The following PIK3R4 variants were observed in gnomAD, a reference collection of about 807,000 sequenced individuals.
The protein encoded by PIK3R4 is phosphoinositide-3-kinase regulatory subunit 4.
Under a neutral mutation model 136.5 loss-of-function variants are expected in PIK3R4, and 46 were observed. The observed-to-expected ratio is 0.34, with a 90% CI of 0.27 to 0.43. PIK3R4 has a LOEUF of 0.43. Ranked by LOEUF, PIK3R4 falls within the 20% of genes least tolerant of loss-of-function variation. PIK3R4 has a pLI of 1.00. For missense variants in PIK3R4, 1,331 were observed against 1,649.5 expected, an observed-to-expected ratio of 0.81 and a Z score of 3.35; for synonymous variants, 557 against 566.7, an observed-to-expected ratio of 0.98 and a Z score of 0.24.
chr3:130,681,660 T>A, intron 16 of PIK3R4, 69 bp from the exon 17 acceptor site: 2 of 911,492 alleles, frequency 2.2e-6, no homozygotes, highest in South Asian at 2.9e-5. Flanking sequence ...ACAAAACAAA[T>A]TGCAGTCCTG....
At chr3:130,685,979 C>A (rs1376729182) in intron 15 of PIK3R4, among the ~76,000 whole-genome samples, 1 of 151,094 alleles carries the variant, frequency 6.6e-6, no homozygotes, top group Non-Finnish European at 1.5e-5. Flanking sequence ...CATTTAAGAA[C>A]AAGGACAATG....
At chr3:130,742,320 T>C (rs780782725) in intron 2 of PIK3R4, among the ~76,000 whole-genome samples, 6 of 152,220 alleles carry the variant, frequency 3.9e-5, no homozygotes, top group Non-Finnish European at 5.9e-5. Flanking sequence ...TTTACAAAAC[T>C]ATAATGCACA....
chr3:130,715,284 C>T (rs959307030), intron 9 of PIK3R4, among the ~76,000 whole-genome samples: 4 of 151,864 alleles, frequency 2.6e-5, no homozygotes, highest in Non-Finnish European at 4.4e-5. Flanking sequence ...ACACTATGTC[C>T]GGCTAATTTT....
At chr3:130,713,414 G>A (rs1402846536) in intron 9 of PIK3R4, among the ~76,000 whole-genome samples, 1 of 152,176 alleles carries the variant, frequency 6.6e-6, no homozygotes, top group Non-Finnish European at 1.5e-5. Context: ...TACGGGTCAG[G>A]GAGTTTTAGT....
intron 2 of PIK3R4, among the ~76,000 whole-genome samples, chr3:130,736,914 AAG>A (rs1383730195): frequency 6.6e-6 from 1 of 152,252 alleles, no homozygotes; most frequent in African/African-American, 2.4e-5. Context: ...GGGAGAGGAA[AAG>A]AGAGATAACT....
chr3:130,739,430 G>C (rs1446201016), intron 2 of PIK3R4, among the ~76,000 whole-genome samples: 1 of 152,008 alleles, frequency 6.6e-6, no homozygotes. Flanking sequence ...GGAGTGCAGT[G>C]GTGTGATCAC....
chr3:130,681,687 A>T (rs1268751807), intron 16 of PIK3R4, 96 bp from the exon 17 acceptor site: 1 of 693,240 alleles, frequency 1.4e-6, no homozygotes, highest in Non-Finnish European at 2.5e-6. Context: ...AGAAAGAAAA[A>T]TTTCTTTCTT....
chr3:130,699,376 A>G (rs979302474), intron 13 of PIK3R4, among the ~76,000 whole-genome samples: 1 of 152,208 alleles, frequency 6.6e-6, no homozygotes, highest in African/African-American at 2.4e-5. Flanking sequence ...AATAGTGACA[A>G]TTCTCTGGAG....
chr3:130,723,062 C>CAAAAAAA (rs61129038), intron 7 of PIK3R4, among the ~76,000 whole-genome samples: 18 of 19,500 alleles, frequency 9.2e-4, no homozygotes, highest in East Asian at 2.1e-3. Context: ...GAGACTGTCG[C>CAAAAAAA]AAAAAAAAAA....
chr3:130,739,448 T>C (rs1202666710), intron 2 of PIK3R4, among the ~76,000 whole-genome samples: 1 of 152,154 alleles, frequency 6.6e-6, no homozygotes, highest in Non-Finnish European at 1.5e-5. Flanking sequence ...CACAGTTCAC[T>C]GTAGCCTGGA....
In PIK3R4 at chr3:130,733,815, T is replaced by C; in HGVS notation, c.1183A>G (p.Lys395Glu). Residue 395 changes from lysine to glutamate, a missense_variant, in exon 4 of 20, where the codon AAA becomes GAA. Lys to Glu is a moderately conservative substitution (Grantham distance 56). This residue lies in a region of PIK3R4 where 1,180 missense variants were observed against 1,407.0 expected (regional missense o/e 0.84). Transcript: ENST00000356763. ...AGAATCAGTTCCAAAGCAGCTAGTT[T>C]GGAATCACAGTATTTAAGGGTCTGT... Reference protein sequence around the residue: ...CLQTLKYCDSKLAALELILHL... With the variant: ...CLQTLKYCDSELAALELILHL... 6.2e-7 allele frequency: 1 copy of C among 1,614,180 alleles called. No homozygotes were observed. Among genetic ancestry groups the C allele is most frequent in the Non-Finnish European group, 8.5e-7 (1 of 1,180,022 alleles).
In PIK3R4 at chr3:130,703,581, A is replaced by G. The variant is rs902011128; in HGVS notation, c.3098+142T>C. ...TGTCTCTCACTTTCCACTAGAAGGT[A>G]AACTCCACAGAAGAAGGATTTTTGT... On this transcript the variant is annotated intron_variant, in intron 13 of 19. Coordinates refer to ENST00000356763, the MANE Select transcript of PIK3R4 (RefSeq NM_014602.3). 1.6e-5 allele frequency: 10 copies of G among 629,664 alleles called. No individual in the cohort carries two copies. The Middle Eastern group carries it at 9.9e-4, about 62-fold the overall frequency. The allele number at this position is 629,664 out of a possible 1,614,324, so 39.0% of individuals were successfully genotyped here. A position where few individuals can be genotyped will look rare whatever the true frequency, so the allele number is the denominator to read the frequency against.
intron 6 of PIK3R4, 187 bp from the exon 7 acceptor site, chr3:130,723,774 C>T (rs1576460689): frequency 4.2e-6 from 2 of 480,256 alleles, no homozygotes; most frequent in South Asian, 3.6e-5. Context: ...AGGAAATTCT[C>T]GGACACCACA....
intron 19 of PIK3R4, among the ~76,000 whole-genome samples, chr3:130,679,806 G>A (rs1015035178): frequency 3.3e-4 from 50 of 152,186 alleles, no homozygotes; most frequent in Middle Eastern, 3.4e-3. Context: ...GGCCAGGCGC[G>A]GTGGGTCACG....
Position 130,681,070 on chromosome 3 carries a change from A to AAAG in PIK3R4, c.3709-8_3709-6dup. On this transcript the variant is annotated splice_region_variant and splice_polypyrimidine_tract_variant and intron_variant, in intron 17 of 19. Transcript: ENST00000356763. Reference sequence around the variant, plus strand: ...ATGGACGCTATGAGGAGAAGGCTTAAAAGAAATAGATGTGGAGTCAAATAA... The same window carrying AAAG: ...ATGGACGCTATGAGGAGAAGGCTTAAAAGAAGAAATAGATGTGGAGTCAAATAA... The AAAG allele has an allele frequency of 6.8e-7, 1 of 1,477,056 alleles. No homozygotes were observed. Among genetic ancestry groups the AAAG allele is most frequent in the Non-Finnish European group, 9.5e-7 (1 of 1,055,018 alleles). 91.5% of individuals were successfully genotyped at this position (1,477,056 alleles called of 1,614,324 possible).
intron 9 of PIK3R4, among the ~76,000 whole-genome samples, chr3:130,709,111 T>C (rs995893126): frequency 6.6e-6 from 1 of 152,162 alleles, no homozygotes; most frequent in Non-Finnish European, 1.5e-5. Context: ...ACTTACTGTA[T>C]CTGTGCACCT....
Position 130,681,705 on chromosome 3 carries a change from G to T in PIK3R4, c.3608-114C>A, listed in dbSNP as rs1332115186. On this transcript the variant is annotated intron_variant, in intron 16 of 19. Coordinates refer to ENST00000356763, the MANE Select transcript of PIK3R4 (RefSeq NM_014602.3). ...AAGAAAAATTTCTTTCTTTCTTTCA[G>T]GGGGAGAGACAATATAATATTCACT... is the stretch of plus-strand genomic sequence containing the variant. 2 of 628,120 alleles carry T rather than the reference G, an allele frequency of 3.2e-6. 1 individual carries two copies. Among genetic ancestry groups the T allele is most frequent in the Non-Finnish European group, 5.8e-6 (2 of 346,354 alleles). The allele number at this position is 628,120 out of a possible 1,614,324, so 38.9% of individuals were successfully genotyped here.
chr3:130,727,861 A>G (rs991725911), intron 6 of PIK3R4, among the ~76,000 whole-genome samples: 5 of 152,200 alleles, frequency 3.3e-5, no homozygotes, highest in African/African-American at 1.2e-4. Flanking sequence ...TACAAATGTA[A>G]TATAAGTCAT....
chr3:130,681,188 G>A, intron 17 of PIK3R4, 123 bp from the exon 18 acceptor site: 1 of 709,520 alleles, frequency 1.4e-6, no homozygotes, highest in Non-Finnish European at 2.6e-6. Context: ...CTGAAGAAAT[G>A]AGAGACCAGT....
Sources: gnomAD v4.1 joint callset for allele counts (sites outside exome capture counted in the v4.1 genomes callset) on GRCh38, gnomAD v4.1.1 for gene constraint, gnomAD v4.1.1 regional missense constraint, MANE v1.5 for transcripts, NCBI Gene and HGNC (gene_info 2026-07-23, HGNC 2026-07-21) for gene names.